The following RABGAP1L variants were observed in gnomAD, a reference collection of about 807,000 sequenced individuals.
The protein encoded by RABGAP1L is RAB GTPase activating protein 1 like.
RABGAP1L carries 63 observed loss-of-function variants against 137.7 expected under a neutral mutation model. The observed-to-expected ratio is 0.46, with a 90% CI of 0.37 to 0.56. The LOEUF is 0.56. RABGAP1L is among the 20% of genes least tolerant of loss of function. RABGAP1L has a pLI of 0.00. For synonymous variants in RABGAP1L, 431 were observed against 433.7 expected, an observed-to-expected ratio of 0.99 and a Z score of 0.08; for missense variants, 1,095 against 1,244.0, an observed-to-expected ratio of 0.88 and a Z score of 1.80.
intron 13 of RABGAP1L, among the ~76,000 whole-genome samples, chr1:174,431,782 A>G (rs1198019606): frequency 6.6e-6 from 1 of 152,194 alleles, no homozygotes; most frequent in Non-Finnish European, 1.5e-5. Flanking sequence ...CAGTATTCGA[A>G]TTGATGTTAA....
At chr1:174,445,734 C>T (rs930103883) in intron 13 of RABGAP1L, among the ~76,000 whole-genome samples, 5 of 152,138 alleles carry the variant, frequency 3.3e-5, no homozygotes, top group Non-Finnish European at 7.4e-5. Context: ...CATTAGATTA[C>T]TGCTGACTTT....
At chr1:174,636,049 A>G (rs1358447259) in intron 13 of RABGAP1L, among the ~76,000 whole-genome samples, 2 of 152,202 alleles carry the variant, frequency 1.3e-5, no homozygotes, top group Non-Finnish European at 2.9e-5. Flanking sequence ...ATTGTACAAA[A>G]TATTTTCACC....
intron 19 of RABGAP1L, among the ~76,000 whole-genome samples, chr1:174,823,421 T>A (rs1691240991): frequency 6.6e-6 from 1 of 152,242 alleles, no homozygotes; most frequent in African/African-American, 2.4e-5. Flanking sequence ...ATTTTATTTA[T>A]TTATTATCAC....
At chr1:174,533,912 T>G (rs551940345) in intron 13 of RABGAP1L, among the ~76,000 whole-genome samples, 1 of 152,262 alleles carries the variant, frequency 6.6e-6, no homozygotes, top group East Asian at 1.9e-4. Context: ...CCTCAGGTGA[T>G]CCACTCGCCT....
At chr1:174,495,917 G>A (rs995054430) in intron 13 of RABGAP1L, among the ~76,000 whole-genome samples, 1 of 152,068 alleles carries the variant, frequency 6.6e-6, no homozygotes, top group African/African-American at 2.4e-5. Flanking sequence ...ATGAGATCTT[G>A]CTGTGTTACC....
intron 18 of RABGAP1L, chr1:174,757,109 GA>G: frequency 2.1e-6 from 1 of 484,990 alleles, no homozygotes; most frequent in Non-Finnish European, 4.2e-6. Context: ...GTGCTTTTGG[GA>G]GGTTGTAATC....
chr1:174,469,226 A>T (rs1467717301), intron 13 of RABGAP1L, among the ~76,000 whole-genome samples: 2 of 152,166 alleles, frequency 1.3e-5, no homozygotes, highest in African/African-American at 2.4e-5. Flanking sequence ...GTGCTTATAT[A>T]TAATTGTATA....
At chr1:174,614,640 G>A (rs1323439424) in intron 13 of RABGAP1L, among the ~76,000 whole-genome samples, 2 of 152,174 alleles carry the variant, frequency 1.3e-5, no homozygotes, top group East Asian at 3.9e-4. Flanking sequence ...GCTAGATTGG[G>A]GAAGTTCTCC....
At chr1:174,310,832 CTT>C (rs1678758758) in intron 11 of RABGAP1L, among the ~76,000 whole-genome samples, 1 of 152,066 alleles carries the variant, frequency 6.6e-6, no homozygotes, top group Admixed American at 6.6e-5. Context: ...CTCTCATACT[CTT>C]TGAGAGTATT....
intron 14 of RABGAP1L, among the ~76,000 whole-genome samples, chr1:174,658,150 C>G (rs1323375880): frequency 6.6e-6 from 1 of 152,120 alleles, no homozygotes; most frequent in Non-Finnish European, 1.5e-5. Flanking sequence ...CCTGTTCTTA[C>G]CAAGATTCAG....
rs376746498 is a variant in RABGAP1L, at chr1:174,939,629, T to C, written c.2341-17828T>C. On this transcript the variant is annotated intron_variant, in intron 19 of 25. Coordinates refer to ENST00000681986, the MANE Select transcript of RABGAP1L (RefSeq NM_001366446.1). ...GCATAGTATAAAAGGTCTTCTCAAA[T>C]AGTCTTATTCTTATGCATTATTTTA... is the stretch of plus-strand genomic sequence containing the variant. 1.5e-4 allele frequency among the ~76,000 whole-genome samples: 23 copies of C among 152,088 alleles called. 2 individuals are homozygous for C. The highest frequency in any genetic ancestry group is 5.3e-4 in the African/African-American group (22 of 41,518).
intron 19 of RABGAP1L, among the ~76,000 whole-genome samples, chr1:174,909,270 C>T (rs1659663811): frequency 6.6e-6 from 1 of 151,724 alleles, no homozygotes; most frequent in South Asian, 2.1e-4. Flanking sequence ...GTCACCCAGG[C>T]TTGAGTGCAG....
intron 18 of RABGAP1L, among the ~76,000 whole-genome samples, chr1:174,769,930 A>G (rs765525617): frequency 3.9e-5 from 6 of 152,180 alleles, no homozygotes; most frequent in Non-Finnish European, 7.4e-5. Context: ...TGATGTACCA[A>G]CTTGGGTTAA....
At chr1:174,671,080 C>A (rs1158574448) in intron 14 of RABGAP1L, among the ~76,000 whole-genome samples, 1 of 152,078 alleles carries the variant, frequency 6.6e-6, no homozygotes, top group African/African-American at 2.4e-5. Flanking sequence ...CAGATATAAA[C>A]CTGTAGATGT....
At position 174,882,766 on chromosome 1, in the gene RABGAP1L, G is replaced by C. The variant is rs74126893; in HGVS notation, c.2340+70806G>C. On this transcript the variant is annotated intron_variant, in intron 19 of 25. Coordinates refer to ENST00000681986, the MANE Select transcript of RABGAP1L (RefSeq NM_001366446.1). The stretch of plus-strand genomic sequence containing the variant: ...CATGAGCAAACTAAGAAATTACCTA[G>C]ACCAATATTGTTTACTGTGATAACC... Among the ~76,000 whole-genome samples, 873 of 151,628 alleles carry C rather than the reference G, an allele frequency of 5.8e-3. 8 individuals are homozygous for C. Among genetic ancestry groups the C allele is most frequent in the African/African-American group, 0.02 (834 of 41,356 alleles).
At chr1:174,394,579 C>T (rs543549832) in intron 13 of RABGAP1L, among the ~76,000 whole-genome samples, 1 of 151,954 alleles carries the variant, frequency 6.6e-6, no homozygotes, top group African/African-American at 2.4e-5. Context: ...GATACTTGCC[C>T]TTTTTCTGTC....
chr1:174,368,509 C>A (rs576704694), intron 11 of RABGAP1L, among the ~76,000 whole-genome samples: 4 of 152,210 alleles, frequency 2.6e-5, no homozygotes, highest in African/African-American at 7.2e-5. Context: ...TTGGTAGATA[C>A]GTTTCATTGT....
At chr1:174,635,983 T>C (rs1673988818) in intron 13 of RABGAP1L, among the ~76,000 whole-genome samples, 1 of 152,214 alleles carries the variant, frequency 6.6e-6, no homozygotes, top group Non-Finnish European at 1.5e-5. Flanking sequence ...TTCAAATCTT[T>C]ATGGAAATAA....
chr1:174,328,007 A>ATATATATG (rs1680689191), intron 11 of RABGAP1L, among the ~76,000 whole-genome samples: 1 of 137,128 alleles, frequency 7.3e-6, no homozygotes, highest in African/African-American at 2.8e-5. Context: ...ATATATATAT[A>ATATATATG]TATATATATA....
Sources: allele counts gnomAD v4.1 joint callset (sites outside exome capture counted in the v4.1 genomes callset), GRCh38; gene constraint gnomAD v4.1.1; transcripts MANE v1.5; gene names NCBI Gene and HGNC (gene_info 2026-07-23, HGNC 2026-07-21).